PRKCH: variants seen among roughly 807,000 people sequenced by gnomAD.
PRKCH encodes the protein protein kinase C eta.
PRKCH carries 28 observed loss-of-function variants against 82.5 expected under a neutral mutation model. The ratio of observed to expected loss-of-function variants is 0.34; its 90% CI spans 0.25 to 0.47. The LOEUF (loss-of-function observed/expected upper bound fraction) is 0.47. PRKCH is among the 20% of genes least tolerant of loss of function. PRKCH has a pLI of 1.00. For synonymous variants in PRKCH, 322 were observed against 327.4 expected (o/e 0.98, Z 0.18); for missense variants, 705 against 881.8 (o/e 0.80, Z 2.54).
intron 1 of PRKCH, among the ~76,000 whole-genome samples, chr14:61,258,433 C>T (rs2045017989): frequency 6.6e-6 from 1 of 151,998 alleles, no homozygotes; most frequent in South Asian, 2.1e-4. Context: ...CCTGGTATCC[C>T]CTTTTATTTT....
intron 1 of PRKCH, among the ~76,000 whole-genome samples, chr14:61,251,035 T>A (rs2044941441): frequency 6.6e-6 from 1 of 152,230 alleles, no homozygotes; most frequent in South Asian, 2.1e-4. Context: ...AAGGGATGTT[T>A]TATTTTTTAA....
intron 10 of PRKCH, among the ~76,000 whole-genome samples, chr14:61,521,863 G>T (rs190426431): frequency 9.2e-5 from 14 of 152,260 alleles, no homozygotes; most frequent in African/African-American, 3.4e-4. Flanking sequence ...TGTAGTCTCA[G>T]TGTAAAAAAG....
At chr14:61,249,377 A>C (rs1594873364) in intron 1 of PRKCH, among the ~76,000 whole-genome samples, 1 of 152,256 alleles carries the variant, frequency 6.6e-6, no homozygotes, top group East Asian at 1.9e-4. Flanking sequence ...TCCGAATGCA[A>C]GTTCTAAATG....
intron 1 of PRKCH, among the ~76,000 whole-genome samples, chr14:61,254,118 T>C (rs1434588109): frequency 6.6e-6 from 1 of 151,810 alleles, no homozygotes; most frequent in South Asian, 2.1e-4. Flanking sequence ...AAAAGTTATG[T>C]TTCTATTCTC....
intron 1 of PRKCH, chr14:61,281,931 CCA>C (rs893987098): frequency 7.3e-6 from 1 of 136,298 alleles, no homozygotes; most frequent in African/African-American, 2.8e-5. Flanking sequence ...GCCAGATCAC[CCA>C]GTCTGGCTGT....
rs1442374022 is a variant in PRKCH at position 61,194,892 on chromosome 14, C to T, written c.-19+7224C>T. Among the ~76,000 whole-genome samples the T allele has an allele frequency of 2.6e-5, 4 of 152,220 alleles. No homozygotes were observed. In the East Asian group the frequency reaches 7.8e-4, roughly 29 times the overall value. The stretch of plus-strand genomic sequence containing the variant: ...GGGATCACAGGCATGTGCCACCATG[C>T]CCGGATAATTTTTGTATTTCTAGTC... On this transcript the variant is annotated intron_variant, in intron 1 of 3. Transcript: ENST00000555185.
chr14:61,506,507 A>G (rs1426510228), intron 10 of PRKCH, among the ~76,000 whole-genome samples: 1 of 152,078 alleles, frequency 6.6e-6, no homozygotes, highest in African/African-American at 2.4e-5. Context: ...GGACTCTCGC[A>G]TGAGTTTCTC....
intron 1 of PRKCH, among the ~76,000 whole-genome samples, chr14:61,237,600 C>T (rs2044801240): frequency 6.6e-6 from 1 of 152,194 alleles, no homozygotes; most frequent in Non-Finnish European, 1.5e-5. Flanking sequence ...CCCAGACGCT[C>T]CTTTCTATGG....
chr14:61,237,749 C>T (rs955791622), intron 1 of PRKCH, among the ~76,000 whole-genome samples: 1 of 152,178 alleles, frequency 6.6e-6, no homozygotes, highest in African/African-American at 2.4e-5. Flanking sequence ...AACCAATGTA[C>T]ACCTTACATG....
At chr14:61,436,028 A>G (rs2140267514) in intron 2 of PRKCH, among the ~76,000 whole-genome samples, 2 of 152,276 alleles carry the variant, frequency 1.3e-5, no homozygotes, top group Admixed American at 1.3e-4. Flanking sequence ...AAAGATGATG[A>G]TGAGTGGAAA....
intron 10 of PRKCH, among the ~76,000 whole-genome samples, chr14:61,507,509 T>C (rs746119729): frequency 2.6e-5 from 4 of 152,174 alleles, no homozygotes; most frequent in African/African-American, 4.8e-5. Context: ...TTATTCACGA[T>C]AGTCAAAATA....
At chr14:61,218,098 C>A (rs921707231) in intron 1 of PRKCH, among the ~76,000 whole-genome samples, 3 of 152,174 alleles carry the variant, frequency 2.0e-5, no homozygotes, top group African/African-American at 7.2e-5. Flanking sequence ...CATTTCTATT[C>A]TCTAGTTCAA....
intron 1 of PRKCH, among the ~76,000 whole-genome samples, chr14:61,359,878 T>C (rs533112166): frequency 6.6e-6 from 1 of 152,384 alleles, no homozygotes; most frequent in African/African-American, 2.4e-5. Context: ...AGAACATTTC[T>C]ATTATTGCAC....
At chr14:61,549,663 G>T in intron 13 of PRKCH, 22 bp from the exon 14 acceptor site, 1 of 1,606,910 alleles carries the variant, frequency 6.2e-7, no homozygotes, top group Non-Finnish European at 8.5e-7. Flanking sequence ...TCTCACCCTT[G>T]TTTCCCTTTT....
intron 9 of PRKCH, among the ~76,000 whole-genome samples, chr14:61,468,178 G>T (rs1301392965): frequency 1.3e-5 from 2 of 152,174 alleles, no homozygotes; most frequent in Non-Finnish European, 2.9e-5. Flanking sequence ...TTGGAACCAG[G>T]TTTCCCCCTT....
chr14:61,323,291 T>C (rs2045654855), intron 1 of PRKCH, among the ~76,000 whole-genome samples: 1 of 151,610 alleles, frequency 6.6e-6, no homozygotes, highest in Non-Finnish European at 1.5e-5. Flanking sequence ...CTGCTGTAAA[T>C]CAATTAAAAC....
chr14:61,435,289 A>G (rs1051898012), intron 2 of PRKCH, among the ~76,000 whole-genome samples: 4 of 152,026 alleles, frequency 2.6e-5, no homozygotes, highest in Non-Finnish European at 5.9e-5. Context: ...CCTATCTTGA[A>G]CTCTGCTCCT....
At chr14:61,352,316 C>T (rs1429386583) in intron 1 of PRKCH, among the ~76,000 whole-genome samples, 1 of 152,030 alleles carries the variant, frequency 6.6e-6, no homozygotes, top group Non-Finnish European at 1.5e-5. Flanking sequence ...TCTTCTGGTC[C>T]CACCCACATC....
chr14:61,462,833 A>G (rs569170262), intron 9 of PRKCH, among the ~76,000 whole-genome samples: 2 of 152,360 alleles, frequency 1.3e-5, no homozygotes, highest in African/African-American at 4.8e-5. Flanking sequence ...CACTCTCCTC[A>G]TGCAGCCCTG....
Sources: allele counts gnomAD v4.1 joint callset (sites outside exome capture counted in the v4.1 genomes callset), GRCh38; gene constraint gnomAD v4.1.1; transcripts MANE v1.5; gene names NCBI Gene and HGNC (gene_info 2026-07-23, HGNC 2026-07-21).